The following PHLPP1 variants were observed in gnomAD, a reference collection of about 807,000 sequenced individuals.
PHLPP1 encodes the protein PH domain and leucine rich repeat protein phosphatase 1.
PHLPP1 carries 42 observed loss-of-function variants against 117.2 expected under a neutral mutation model. That is an observed-to-expected ratio of 0.36 (90% CI 0.28 to 0.46). The LOEUF (loss-of-function observed/expected upper bound fraction) is 0.46, where lower values mean the gene tolerates loss of function less well. Ranked by LOEUF, PHLPP1 falls within the 20% of genes least tolerant of loss-of-function variation. The pLI, the probability that PHLPP1 is intolerant of heterozygous loss-of-function variation, is 1.00. For synonymous variants in PHLPP1, 1,042 were observed against 970.7 expected, an observed-to-expected ratio of 1.07 and a Z score of -1.37; for missense variants, 2,084 against 2,241.9, an observed-to-expected ratio of 0.93 and a Z score of 1.42.
chr18:62,850,022 C>G, intron 3 of PHLPP1, among the ~76,000 whole-genome samples: 1 of 149,994 alleles, frequency 6.7e-6, no homozygotes, highest in Non-Finnish European at 1.5e-5. Flanking sequence ...TCTATAAACT[C>G]TGTATTAAAC....
chr18:62,912,627 T>C (rs1916988878), intron 8 of PHLPP1, among the ~76,000 whole-genome samples: 2 of 152,152 alleles, frequency 1.3e-5, no homozygotes, highest in Admixed American at 6.5e-5. Context: ...CTTTTCTTTT[T>C]TTGTTTTTTT....
At chr18:62,854,828 C>T (rs1052848991) in intron 3 of PHLPP1, among the ~76,000 whole-genome samples, 3 of 151,650 alleles carry the variant, frequency 2.0e-5, no homozygotes, top group Admixed American at 6.6e-5. Flanking sequence ...TCCTGAGTAA[C>T]TGGAATTACA....
chr18:62,734,881 G>A (rs1424045676), intron 1 of PHLPP1, among the ~76,000 whole-genome samples: 1 of 152,172 alleles, frequency 6.6e-6, no homozygotes, highest in African/African-American at 2.4e-5. Flanking sequence ...GTAATCAGGA[G>A]GAGAATAGTT....
intron 1 of PHLPP1, among the ~76,000 whole-genome samples, chr18:62,728,566 C>T (rs746441555): frequency 2.9e-4 from 43 of 150,274 alleles, no homozygotes; most frequent in African/African-American, 6.6e-4. Flanking sequence ...TGCAGTGGCG[C>T]GATCTTGGTT....
chr18:62,719,144 G>A (rs530185729), intron 1 of PHLPP1, among the ~76,000 whole-genome samples: 4 of 152,268 alleles, frequency 2.6e-5, no homozygotes, highest in Admixed American at 1.3e-4. Context: ...ATAAATGCAT[G>A]TATGCCTCTG....
At chr18:62,763,529 C>T (rs191013129) in intron 1 of PHLPP1, among the ~76,000 whole-genome samples, 4 of 152,262 alleles carry the variant, frequency 2.6e-5, no homozygotes, top group African/African-American at 7.2e-5. Flanking sequence ...GAACTGCTGT[C>T]GCTCATCGCA....
intron 1 of PHLPP1, among the ~76,000 whole-genome samples, chr18:62,761,001 A>G (rs1391428609): frequency 6.6e-6 from 1 of 152,106 alleles, no homozygotes; most frequent in African/African-American, 2.4e-5. Flanking sequence ...CTGGGACTAC[A>G]GGCACCTGCC....
At chr18:62,918,205 C>CAAAAAAA (rs11317555) in intron 9 of PHLPP1, among the ~76,000 whole-genome samples, 2 of 80,624 alleles carry the variant, frequency 2.5e-5, no homozygotes, top group Non-Finnish European at 4.8e-5. Context: ...GACTCTGTCT[C>CAAAAAAA]AAAAAAAAAA....
intron 10 of PHLPP1, among the ~76,000 whole-genome samples, chr18:62,930,935 A>T (rs1452623547): frequency 6.6e-6 from 1 of 152,160 alleles, no homozygotes; most frequent in Non-Finnish European, 1.5e-5. Flanking sequence ...CATGCCTGTA[A>T]TCACAGCACT....
intron 1 of PHLPP1, among the ~76,000 whole-genome samples, chr18:62,800,139 A>G (rs1913737381): frequency 6.6e-6 from 1 of 152,072 alleles, no homozygotes; most frequent in Non-Finnish European, 1.5e-5. Flanking sequence ...CCTAATAGGG[A>G]GGGTGTCCGG....
At chr18:62,892,043 T>C (rs1916431020) in intron 4 of PHLPP1, among the ~76,000 whole-genome samples, 2 of 150,422 alleles carry the variant, frequency 1.3e-5, no homozygotes, top group Admixed American at 1.3e-4. Context: ...AAAAGTGTCA[T>C]TGTTTTCTTT....
chr18:62,754,369 G>A (rs918052398), intron 1 of PHLPP1, among the ~76,000 whole-genome samples: 2 of 152,232 alleles, frequency 1.3e-5, no homozygotes, highest in African/African-American at 4.8e-5. Flanking sequence ...CTGCAAGTTG[G>A]CCACTCTTCT....
At chr18:62,791,034 G>A (rs1428118348) in intron 1 of PHLPP1, among the ~76,000 whole-genome samples, 1 of 152,124 alleles carries the variant, frequency 6.6e-6, no homozygotes, top group Non-Finnish European at 1.5e-5. Context: ...AGGAGCTGGC[G>A]ACAGACCTGG....
chr18:62,829,621 C>T lies in PHLPP1; in HGVS notation c.1577-414C>T, dbSNP rs188751110. On this transcript the variant is annotated intron_variant, in intron 1 of 16. Transcript: ENST00000262719. ...ACAAAAAATTTAGTCGTGTGGTGGCCGGCACCTGTAGTCCCAGCTACATGG... is the reference window on the plus strand; with the variant it reads ...ACAAAAAATTTAGTCGTGTGGTGGCTGGCACCTGTAGTCCCAGCTACATGG... Among the ~76,000 whole-genome samples the T allele has an allele frequency of 2.0e-4, 31 of 151,956 alleles. No individual in the cohort carries two copies. The East Asian group carries it at 5.0e-3, about 25-fold the overall frequency.
chr18:62,888,335 ATGTT>A (rs1294680171), intron 4 of PHLPP1, among the ~76,000 whole-genome samples: 19 of 74,766 alleles, frequency 2.5e-4, no homozygotes, highest in African/African-American at 7.3e-4. Flanking sequence ...GTGTGTGTGT[ATGTT>A]TTTTTTTTCT....
At chr18:62,919,281 T>C (rs992704770) in intron 9 of PHLPP1, among the ~76,000 whole-genome samples, 48 of 152,188 alleles carry the variant, frequency 3.2e-4, no homozygotes, top group African/African-American at 1.0e-3. Context: ...CTCTGACAGT[T>C]CTGGTGACCT....
intron 2 of PHLPP1, among the ~76,000 whole-genome samples, chr18:62,835,215 T>G: frequency 6.6e-6 from 1 of 151,920 alleles, no homozygotes; most frequent in South Asian, 2.1e-4. Context: ...TTTCCTTTTT[T>G]TTTTTGAGAC....
intron 9 of PHLPP1, 126 bp from the exon 10 acceptor site, chr18:62,919,833 T>C (rs1236368059): frequency 1.6e-5 from 11 of 695,344 alleles, no homozygotes; most frequent in Non-Finnish European, 2.7e-5. Flanking sequence ...ACAAATAGTT[T>C]CAAGTTTGAA....
At chr18:62,941,986 G>A in intron 11 of PHLPP1, 68 bp downstream of exon 11, 2 of 1,266,884 alleles carry the variant, frequency 1.6e-6, no homozygotes, top group South Asian at 2.6e-5. Context: ...AAAGGTGAAG[G>A]CTGAAATATT....
Sources: gnomAD v4.1 joint callset for allele counts (sites outside exome capture counted in the v4.1 genomes callset) on GRCh38, gnomAD v4.1.1 for gene constraint, MANE v1.5 for transcripts, NCBI Gene and HGNC (gene_info 2026-07-23, HGNC 2026-07-21) for gene names.